The following CARMIL1 variants were observed in gnomAD, a reference collection of about 807,000 sequenced individuals.
CARMIL1 encodes F-actin-uncapping protein LRRC16A.
CARMIL1 carries 90 observed loss-of-function variants against 177.1 expected under a neutral mutation model. That is an observed-to-expected ratio of 0.51 (90% CI 0.43 to 0.61). CARMIL1 has a LOEUF of 0.61. CARMIL1 is among the 20% of genes least tolerant of loss of function. CARMIL1 has a pLI of 0.00. For missense variants in CARMIL1, 1,380 were observed against 1,667.0 expected, an observed-to-expected ratio of 0.83 and a Z score of 3.00; for synonymous variants, 577 against 606.2, an observed-to-expected ratio of 0.95 and a Z score of 0.71.
At chr6:25,390,318 ATATT>A (rs1282263286) in intron 2 of CARMIL1, among the ~76,000 whole-genome samples, 1,138 of 43,210 alleles carry the variant, frequency 0.026, 5 homozygotes, top group Non-Finnish European at 0.033. Context: ...ATATATATAT[ATATT>A]TTTTTTTTTT....
chr6:25,412,217 T>C (rs1794963229), intron 2 of CARMIL1, among the ~76,000 whole-genome samples: 1 of 152,220 alleles, frequency 6.6e-6, no homozygotes, highest in Non-Finnish European at 1.5e-5. Flanking sequence ...TTCTGAGCAC[T>C]TTAGGTGTAT....
intron 8 of CARMIL1, among the ~76,000 whole-genome samples, chr6:25,461,217 C>G (rs1283872448): frequency 6.6e-6 from 1 of 152,170 alleles, no homozygotes; most frequent in Non-Finnish European, 1.5e-5. Context: ...CCTCTGATAC[C>G]TCCCACTGAT....
rs1813089739 is a variant in CARMIL1, at chr6:25,581,240, T to G, written c.2810-3T>G. Reference sequence around the variant, plus strand: ...TTTTTTGTTTTTTTGTTTTTAATTTTAGAAATGGAGTTTGATCTAGATAAA... The same window carrying G: ...TTTTTTGTTTTTTTGTTTTTAATTTGAGAAATGGAGTTTGATCTAGATAAA... On this transcript the variant is annotated splice_polypyrimidine_tract_variant and splice_region_variant and intron_variant, in intron 30 of 36. Coordinates refer to ENST00000329474, the MANE Select transcript of CARMIL1 (RefSeq NM_017640.6). The G allele has an allele frequency of 2.5e-6, 4 of 1,607,972 alleles. No individual in the cohort carries two copies. Among genetic ancestry groups the G allele is most frequent in the Admixed American group, 1.7e-5 (1 of 58,152 alleles).
At chr6:25,434,748 C>T (rs1262825046) in intron 4 of CARMIL1, among the ~76,000 whole-genome samples, 1 of 151,818 alleles carries the variant, frequency 6.6e-6, no homozygotes, top group Non-Finnish European at 1.5e-5. Context: ...GACAGGGTTT[C>T]ACCATGTTGG....
intron 1 of CARMIL1, among the ~76,000 whole-genome samples, chr6:25,284,338 T>C (rs958453154): frequency 2.0e-5 from 3 of 152,234 alleles, no homozygotes; most frequent in African/African-American, 7.2e-5. Context: ...AGCATATCAA[T>C]ATACAGTACG....
chr6:25,581,495 A>G, intron 31 of CARMIL1, 56 bp downstream of exon 31: 1 of 1,491,320 alleles, frequency 6.7e-7, no homozygotes, highest in Non-Finnish European at 9.0e-7. Flanking sequence ...TTCTCTGGGG[A>G]AAGTTGGAGG....
chr6:25,599,248 C>A (rs1815157263), intron 32 of CARMIL1, among the ~76,000 whole-genome samples: 1 of 152,200 alleles, frequency 6.6e-6, no homozygotes, highest in Non-Finnish European at 1.5e-5. Flanking sequence ...CTGGAGCCAG[C>A]ACAAATCAAA....
chr6:25,302,322 C>T (rs1782918446), intron 2 of CARMIL1, among the ~76,000 whole-genome samples: 1 of 152,150 alleles, frequency 6.6e-6, no homozygotes, highest in Non-Finnish European at 1.5e-5. Context: ...CATTGTTGCT[C>T]AGATGGTTGG....
At chr6:25,325,792 T>C (rs139400899) in intron 2 of CARMIL1, among the ~76,000 whole-genome samples, 27 of 152,226 alleles carry the variant, frequency 1.8e-4, no homozygotes, top group African/African-American at 5.3e-4. Flanking sequence ...ACACTAATTA[T>C]GGTAAGGGCT....
rs187177230 is a variant in CARMIL1, at chr6:25,302,918, T to G, written c.138+18009T>G. The stretch of plus-strand genomic sequence containing the variant: ...AGATGCTTGAGGAGAAAGAGTGTCG[T>G]GTCTCCCTGTGTGGTACTGAGTAGT... On this transcript the variant is annotated intron_variant, in intron 2 of 36. Coordinates refer to ENST00000329474, the MANE Select transcript of CARMIL1 (RefSeq NM_017640.6). 3.3e-3 allele frequency among the ~76,000 whole-genome samples: 500 copies of G among 152,222 alleles called. 2 individuals are homozygous for G. Among genetic ancestry groups the G allele is most frequent in the African/African-American group, 0.011 (454 of 41,528 alleles).
chr6:25,418,922 A>G (rs1443775178), intron 2 of CARMIL1, among the ~76,000 whole-genome samples: 1 of 152,206 alleles, frequency 6.6e-6, no homozygotes, highest in Non-Finnish European at 1.5e-5. Flanking sequence ...TGTCTCATAA[A>G]TAGTTCTGGC....
intron 8 of CARMIL1, among the ~76,000 whole-genome samples, chr6:25,459,274 T>TTCTTTCTTTCTTTCTTTC (rs1302680954): frequency 2.9e-4 from 9 of 30,936 alleles, no homozygotes; most frequent in African/African-American, 5.5e-4. Context: ...TTCTTTTTTT[T>TTCTTTCTTTCTTTCTTTC]TTTTTTAAGA....
intron 2 of CARMIL1, among the ~76,000 whole-genome samples, chr6:25,291,341 A>G (rs1218164970): frequency 6.6e-6 from 1 of 152,208 alleles, no homozygotes; most frequent in African/African-American, 2.4e-5. Context: ...AGGACATGAA[A>G]AAAGAAATAT....
chr6:25,335,961 A>G (rs1000573132), intron 2 of CARMIL1, among the ~76,000 whole-genome samples: 1 of 152,086 alleles, frequency 6.6e-6, no homozygotes, highest in Non-Finnish European at 1.5e-5. Context: ...TGTGTTGGCC[A>G]TTGTTACTGC....
chr6:25,450,290 A>G, intron 6 of CARMIL1, 49 bp from the exon 7 acceptor site: 1 of 1,325,654 alleles, frequency 7.5e-7, no homozygotes, highest in Non-Finnish European at 1.1e-6. Context: ...ATTTTAATTT[A>G]AACATCATTT....
chr6:25,537,194 G>A (rs889553726), intron 24 of CARMIL1, among the ~76,000 whole-genome samples: 1 of 152,030 alleles, frequency 6.6e-6, no homozygotes, highest in Admixed American at 6.6e-5. Flanking sequence ...TGGTAGGGGA[G>A]GCATCTTATT....
chr6:25,495,968 G>A (rs557171067), intron 16 of CARMIL1, among the ~76,000 whole-genome samples: 69 of 152,080 alleles, frequency 4.5e-4, no homozygotes, highest in Non-Finnish European at 8.4e-4. Flanking sequence ...TGTATGCATG[G>A]ATTTCTCCCT....
intron 13 of CARMIL1, 112 bp from the exon 14 acceptor site, chr6:25,491,620 A>G (rs776953619): frequency 3.1e-5 from 19 of 617,776 alleles, no homozygotes; most frequent in Non-Finnish European, 4.8e-5. Flanking sequence ...CCTTGGGAAG[A>G]GCAGAGAATG....
Position 25,357,897 on chromosome 6 carries a change from A to T in CARMIL1, c.139-62217A>T, listed in dbSNP as rs889450882. On this transcript the variant is annotated intron_variant, in intron 2 of 36. Coordinates refer to ENST00000329474, the MANE Select transcript of CARMIL1 (RefSeq NM_017640.6). Reference sequence around the variant, plus strand: ...CTTTCAGTTGCATTTTCTAGGTGTGATTATCTCAGAGTTTGAAATCGTACA... The same window carrying T: ...CTTTCAGTTGCATTTTCTAGGTGTGTTTATCTCAGAGTTTGAAATCGTACA... Among the ~76,000 whole-genome samples the T allele has an allele frequency of 4.6e-5, 7 of 152,122 alleles. No homozygotes were observed. The East Asian group carries it at 1.3e-3, about 29-fold the overall frequency.
Sources: gnomAD v4.1 joint callset for allele counts (sites outside exome capture counted in the v4.1 genomes callset) on GRCh38, gnomAD v4.1.1 for gene constraint, MANE v1.5 for transcripts, NCBI Gene and HGNC (gene_info 2026-07-23, HGNC 2026-07-21) for gene names.